PKNOX1: variants seen among roughly 807,000 people sequenced by gnomAD.
PKNOX1 encodes the protein homeobox protein PKNOX1.
In PKNOX1, 15 loss-of-function variants were observed where a neutral mutation model predicts 51.9. The observed-to-expected ratio is 0.29, with a 90% CI of 0.19 to 0.45. PKNOX1 has a LOEUF of 0.45. PKNOX1 is among the 20% of genes least tolerant of loss of function. The pLI is 1.00. For synonymous variants in PKNOX1, 219 were observed against 211.1 expected (o/e 1.04, Z -0.32); for missense variants, 462 against 547.5 (o/e 0.84, Z 1.56).
At chr21:43,029,420 C>CTTTTTTT (rs1568906878) in intron 10 of PKNOX1, among the ~76,000 whole-genome samples, 16 of 87,504 alleles carry the variant, frequency 1.8e-4, no homozygotes, top group South Asian at 1.2e-3. Flanking sequence ...TATTTGTTTG[C>CTTTTTTT]TTTGTTTTTT....
intron 1 of PKNOX1, among the ~76,000 whole-genome samples, chr21:42,985,194 C>T (rs1402869978): frequency 2.0e-5 from 3 of 151,846 alleles, no homozygotes; most frequent in Admixed American, 6.6e-5. Flanking sequence ...ACCACGTTGG[C>T]CAGGCTGATC....
chr21:42,998,068 T>A lies in PKNOX1; in HGVS notation c.-56-6258T>A, dbSNP rs1978588566. Among the ~76,000 whole-genome samples, 6 of 152,098 alleles carry A rather than the reference T, an allele frequency of 3.9e-5. No homozygotes were observed. In the South Asian group the frequency reaches 1.2e-3, roughly 32 times the overall value. On this transcript the variant is annotated intron_variant, in intron 1 of 10. Coordinates refer to ENST00000291547, the MANE Select transcript of PKNOX1 (RefSeq NM_004571.5). ...GTCCATTTTCACACTGCTGATAAAG[T>A]TGTACCCAAGACTGGGCAATTTACA... is the stretch of plus-strand genomic sequence containing the variant.
rs533954064 is a variant in PKNOX1 at position 43,000,772 on chromosome 21, G to A, written c.-56-3554G>A. Among the ~76,000 whole-genome samples, 8 of 152,294 alleles carry A rather than the reference G, an allele frequency of 5.3e-5. No homozygotes were observed. In the South Asian group the frequency reaches 6.2e-4, roughly 12 times the overall value. ...GTGGTGTGGGCCTGTAGTTCCTGCT[G>A]TTTAGGGGGCTGTGGTGGGAGCATC... On this transcript the variant is annotated intron_variant, in intron 1 of 10. Coordinates refer to ENST00000291547, the MANE Select transcript of PKNOX1 (RefSeq NM_004571.5).
rs141068491 is a variant in PKNOX1, at chr21:42,993,548, A to G, written c.-56-10778A>G. 5.9e-3 allele frequency among the ~76,000 whole-genome samples: 892 copies of G among 150,136 alleles called. 4 individuals carry two copies. Among genetic ancestry groups the G allele is most frequent in the Admixed American group, 9.7e-3 (146 of 15,072 alleles). ...TTTTTTTTTTTTTCACAATTCTAAAACTTTATGCATTTTTGGCATTTAAAA... is the reference window on the plus strand; with the variant it reads ...TTTTTTTTTTTTTCACAATTCTAAAGCTTTATGCATTTTTGGCATTTAAAA... On this transcript the variant is annotated intron_variant, in intron 1 of 10. Transcript: ENST00000291547.
intron 9 of PKNOX1, 38 bp downstream of exon 9, chr21:43,024,985 C>A (rs563834382): frequency 7.8e-7 from 1 of 1,280,632 alleles, no homozygotes; most frequent in Non-Finnish European, 1.1e-6. Flanking sequence ...GCTGTCAGCA[C>A]GGTAGAGCAC....
intron 1 of PKNOX1, among the ~76,000 whole-genome samples, chr21:43,001,991 A>G (rs1017413310): frequency 6.6e-5 from 10 of 152,038 alleles, no homozygotes; most frequent in Non-Finnish European, 1.0e-4. Flanking sequence ...AAATAAAAAT[A>G]AAAATAAAGT....
chr21:42,992,996 G>A (rs1462785313), intron 1 of PKNOX1, among the ~76,000 whole-genome samples: 2 of 152,118 alleles, frequency 1.3e-5, no homozygotes, highest in Non-Finnish European at 2.9e-5. Context: ...CTCACAGCAT[G>A]GGGCTTCCTG....
intron 1 of PKNOX1, among the ~76,000 whole-genome samples, chr21:42,993,659 G>GTTTTTTTTT: frequency 8.0e-5 from 1 of 12,562 alleles, no homozygotes; most frequent in Non-Finnish European, 1.6e-4. Context: ...TGTTTTTTTT[G>GTTTTTTTTT]TTTTTTTTTT....
chr21:43,016,631 G>T (rs1276307194), intron 5 of PKNOX1, among the ~76,000 whole-genome samples: 1 of 152,250 alleles, frequency 6.6e-6, no homozygotes, highest in African/African-American at 2.4e-5. Context: ...GGGCTGTAAG[G>T]CACGTGGAAT....
chr21:43,015,211 G>A (rs141176845), intron 5 of PKNOX1, among the ~76,000 whole-genome samples: 24 of 152,364 alleles, frequency 1.6e-4, no homozygotes, highest in African/African-American at 5.3e-4. Context: ...TGTCGATGAT[G>A]TTGGTTGCAG....
At chr21:42,997,669 G>T (rs1978568200) in intron 1 of PKNOX1, among the ~76,000 whole-genome samples, 2 of 152,224 alleles carry the variant, frequency 1.3e-5, no homozygotes, top group Non-Finnish European at 2.9e-5. Context: ...AGCAGAGGGT[G>T]CTGTGTGAGG....
At chr21:43,005,462 G>A (rs976361681) in intron 2 of PKNOX1, among the ~76,000 whole-genome samples, 1 of 151,858 alleles carries the variant, frequency 6.6e-6, no homozygotes, top group Non-Finnish European at 1.5e-5. Context: ...AATTAAAGGA[G>A]GGAGATTCTG....
intron 1 of PKNOX1, among the ~76,000 whole-genome samples, chr21:42,975,941 C>G (rs955835265): frequency 2.6e-5 from 4 of 152,174 alleles, no homozygotes; most frequent in African/African-American, 9.7e-5. Context: ...AAGGAAGAAT[C>G]GAGGTGAAAT....
At chr21:42,996,381 G>C (rs1310884329) in intron 1 of PKNOX1, among the ~76,000 whole-genome samples, 2 of 152,164 alleles carry the variant, frequency 1.3e-5, no homozygotes, top group African/African-American at 4.8e-5. Flanking sequence ...TGACCTAACA[G>C]GATTCTTGTG....
intron 7 of PKNOX1, chr21:43,020,646 T>C (rs1227164011): frequency 1.3e-5 from 2 of 152,870 alleles, no homozygotes; most frequent in African/African-American, 4.8e-5. Flanking sequence ...GCTGTTTCTG[T>C]TTCTTTCCCC....
At chr21:43,009,524 C>T (rs988729060) in intron 3 of PKNOX1, among the ~76,000 whole-genome samples, 3 of 145,458 alleles carry the variant, frequency 2.1e-5, no homozygotes, top group African/African-American at 5.2e-5. Context: ...GTAGGAGAAT[C>T]GCTTAAACCT....
rs577395572 is a variant in PKNOX1, at chr21:43,002,780, G to A, written c.-56-1546G>A. ...CACCCAGGCTGGAGTGCAGTGGCAC[G>A]ATCTTGGCTCACTGCAACCTCTGCC... On this transcript the variant is annotated intron_variant, in intron 1 of 10. Coordinates refer to ENST00000291547, the MANE Select transcript of PKNOX1 (RefSeq NM_004571.5). 2.0e-4 allele frequency among the ~76,000 whole-genome samples: 31 copies of A among 152,272 alleles called. No homozygotes were observed. The South Asian group carries it at 4.4e-3, about 21-fold the overall frequency.
rs1568908357 is a variant in PKNOX1 at position 43,031,511 on chromosome 21, T to C, written c.*1410T>C. On this transcript the variant is annotated 3_prime_UTR_variant, in exon 11 of 11. Transcript: ENST00000291547. ...AACCGAGAGAGTGGGCTGGGTTCTG[T>C]TTTCTTTGGTTTTGATTTGTTTTCA... The C allele has an allele frequency of 6.6e-6, 1 of 152,202 alleles. No individual in the cohort carries two copies. Among genetic ancestry groups the C allele is most frequent in the Non-Finnish European group, 1.5e-5 (1 of 68,034 alleles). 9.4% of individuals were successfully genotyped at this position (152,202 alleles called of 1,614,324 possible). A position where few individuals can be genotyped will look rare whatever the true frequency, so the allele number is the denominator to read the frequency against.
intron 1 of PKNOX1, among the ~76,000 whole-genome samples, chr21:42,999,672 G>T (rs530278856): frequency 6.6e-6 from 1 of 151,986 alleles, no homozygotes; most frequent in South Asian, 2.1e-4. Context: ...GTAGAGACGG[G>T]GTTTCTCCAT....
Sources: allele counts gnomAD v4.1 joint callset (sites outside exome capture counted in the v4.1 genomes callset), GRCh38; gene constraint gnomAD v4.1.1; transcripts MANE v1.5; gene names NCBI Gene and HGNC (gene_info 2026-07-23, HGNC 2026-07-21).